The following ROCK1 variants were observed in gnomAD, a reference collection of about 807,000 sequenced individuals.
The protein encoded by ROCK1 is Rho associated coiled-coil containing protein kinase 1.
ROCK1 carries 36 observed loss-of-function variants against 196.8 expected under a neutral mutation model. The observed-to-expected ratio is 0.18, with a 90% CI of 0.14 to 0.24. The LOEUF (loss-of-function observed/expected upper bound fraction) is 0.24. ROCK1 is among the 10% of genes least tolerant of loss of function. ROCK1 has a pLI of 1.00. For missense variants in ROCK1, 920 were observed against 1,562.0 expected, an observed-to-expected ratio of 0.59 and a Z score of 6.93; for synonymous variants, 443 against 515.9, an observed-to-expected ratio of 0.86 and a Z score of 1.91.
At chr18:21,026,071 A>T (rs2035952980) in intron 10 of ROCK1, among the ~76,000 whole-genome samples, 2 of 152,174 alleles carry the variant, frequency 1.3e-5, no homozygotes, top group African/African-American at 4.8e-5. Flanking sequence ...AAATACAAAA[A>T]CATTGGCGGT....
At chr18:20,967,178 A>G (rs955671293) in intron 26 of ROCK1, 102 bp from the exon 27 acceptor site, 20 of 777,856 alleles carry the variant, frequency 2.6e-5, no homozygotes, top group Middle Eastern at 2.4e-4. Flanking sequence ...AAAAATGTAC[A>G]GTAAACTTCA....
At chr18:21,083,812 A>C (rs2036502621) in intron 1 of ROCK1, among the ~76,000 whole-genome samples, 1 of 152,214 alleles carries the variant, frequency 6.6e-6, no homozygotes, top group South Asian at 2.1e-4. Flanking sequence ...AGTCAACAGC[A>C]GGCTATTAGT....
chr18:21,083,293 C>G (rs938545563), intron 1 of ROCK1, among the ~76,000 whole-genome samples: 1 of 152,014 alleles, frequency 6.6e-6, no homozygotes, highest in Non-Finnish European at 1.5e-5. Context: ...CTATCAAAAT[C>G]CCAATGGTGT....
At chr18:21,009,034 T>A (rs1223738145) in intron 13 of ROCK1, among the ~76,000 whole-genome samples, 2 of 152,088 alleles carry the variant, frequency 1.3e-5, no homozygotes, top group East Asian at 3.9e-4. Context: ...AGTCACTAGT[T>A]ATAGCCACAC....
At position 20,970,350 on chromosome 18, in the gene ROCK1, G is replaced by T. The variant is rs755584844; in HGVS notation, c.2818C>A (p.Arg940=). 2.5e-6 allele frequency: 4 copies of T among 1,610,852 alleles called. No individual in the cohort carries two copies. The highest frequency in any genetic ancestry group is 1.3e-5 in the African/African-American group (1 of 74,810). ...ACTTACCTGACTATCACACTTACCC[G>T]ACTAACAGTGTGATCTTTATCTGTA... ...EITDKDHTVS[R]LEEANSMLTK... Residue 940 remains arginine, a splice_region_variant and synonymous_variant, in exon 23 of 33, where the codon CGG becomes AGG. Transcript: ENST00000399799.
In ROCK1 at chr18:21,111,765, A is replaced by G. The variant is rs1396210987; in HGVS notation, c.-855T>C. The G allele has an allele frequency of 6.6e-6, 1 of 152,138 alleles. No homozygotes were observed. The highest frequency in any genetic ancestry group is 1.5e-5 in the Non-Finnish European group (1 of 68,158). The allele number at this position is 152,138 out of a possible 1,614,324, so 9.4% of individuals were successfully genotyped here. ...GGGGCGAGGGGGGCTGAGAGGGACT[A>G]ATATGTCCGCCTTCCTGTTCAAACA... On this transcript the variant is annotated 5_prime_UTR_variant, in exon 1 of 33. Coordinates refer to ENST00000399799, the MANE Select transcript of ROCK1 (RefSeq NM_005406.3). This position sits in a 1 kb window ranked among gnomAD's most constrained non-coding sequence, Gnocchi z 4.2.
rs939371616 is a variant in ROCK1 at position 21,082,353 on chromosome 18, G to A, written c.94-11740C>T. Reference sequence around the variant, plus strand: ...CATTCTATGAGTGCAGCACTGCCCTGATAGCAAAACTAAAAATATCACACA... The same window carrying A: ...CATTCTATGAGTGCAGCACTGCCCTAATAGCAAAACTAAAAATATCACACA... On this transcript the variant is annotated intron_variant, in intron 1 of 32. Coordinates refer to ENST00000399799, the MANE Select transcript of ROCK1 (RefSeq NM_005406.3). 2.2e-4 allele frequency among the ~76,000 whole-genome samples: 34 copies of A among 152,164 alleles called. 1 individual carries two copies. The highest frequency in any genetic ancestry group is 8.0e-4 in the African/African-American group (33 of 41,502).
intron 2 of ROCK1, among the ~76,000 whole-genome samples, chr18:21,060,119 G>T (rs2036276244): frequency 6.6e-6 from 1 of 152,154 alleles, no homozygotes; most frequent in African/African-American, 2.4e-5. Flanking sequence ...TGTGGTAATG[G>T]TTGCACAACT....
intron 1 of ROCK1, among the ~76,000 whole-genome samples, chr18:21,095,603 G>A (rs2036606637): frequency 6.6e-6 from 1 of 151,860 alleles, no homozygotes; most frequent in Non-Finnish European, 1.5e-5. Context: ...GCCAGACACA[G>A]AAAGATAAAT....
chr18:20,978,643 A>G (rs1269509700), intron 22 of ROCK1, among the ~76,000 whole-genome samples: 1 of 152,226 alleles, frequency 6.6e-6, no homozygotes, highest in Non-Finnish European at 1.5e-5. Context: ...CATAAGGGAA[A>G]TGGGGAATGT....
rs771167832 is a variant in ROCK1, at chr18:20,967,753, G to A, written c.3191C>T (p.Ala1064Val). The A allele has an allele frequency of 3.2e-6, 5 of 1,587,080 alleles. No homozygotes were observed. Among genetic ancestry groups the A allele is most frequent in the East Asian group, 2.2e-5 (1 of 44,468 alleles). Residue 1064 changes from alanine (A) to valine (V), a missense_variant and splice_region_variant, in exon 26 of 33, where the codon GCG becomes GTG. Ala to Val is a moderately conservative substitution (Grantham distance 64). This residue lies in a region of ROCK1 where 116 missense variants were observed against 204.2 expected (regional missense o/e 0.57). Transcript: ENST00000399799. Reference protein sequence around the residue: ...KHQKELNDMQAQLVEECAHRN... With the variant: ...KHQKELNDMQVQLVEECAHRN... ...TCCATACACACACAGAAACCTTACCGCTTGCATGTCATTCAGTTCCTTCTG... is the reference window on the plus strand; with the variant it reads ...TCCATACACACACAGAAACCTTACCACTTGCATGTCATTCAGTTCCTTCTG...
At position 20,949,401 on chromosome 18, in the gene ROCK1, C is replaced by T. The variant is rs532297044; in HGVS notation, c.*1983G>A. ...CAAAAGCAGCATAAGTTTCACGTTCCATCAGTTCCCTTTGCCCTCCAAGCC... is the reference window on the plus strand; with the variant it reads ...CAAAAGCAGCATAAGTTTCACGTTCTATCAGTTCCCTTTGCCCTCCAAGCC... On this transcript the variant is annotated 3_prime_UTR_variant, in exon 33 of 33. Coordinates refer to ENST00000399799, the MANE Select transcript of ROCK1 (RefSeq NM_005406.3). 2 of 152,492 alleles carry T rather than the reference C, an allele frequency of 1.3e-5. No homozygotes were observed. Among genetic ancestry groups the T allele is most frequent in the Non-Finnish European group, 2.9e-5 (2 of 68,226 alleles). The allele number at this position is 152,492 out of a possible 1,614,324, so 9.4% of individuals were successfully genotyped here.
At chr18:21,015,213 T>A (rs1230338563) in intron 13 of ROCK1, among the ~76,000 whole-genome samples, 3 of 152,160 alleles carry the variant, frequency 2.0e-5, no homozygotes, top group Non-Finnish European at 4.4e-5. Context: ...GTACTAAAAT[T>A]AATACGGCTG....
rs564619003 is a variant in ROCK1 at position 21,089,498 on chromosome 18, T to C, written c.94-18885A>G. Among the ~76,000 whole-genome samples the C allele has an allele frequency of 1.5e-3, 221 of 152,364 alleles. 1 individual carries two copies. Among genetic ancestry groups the C allele is most frequent in the Admixed American group, 2.8e-3 (43 of 15,304 alleles). On this transcript the variant is annotated intron_variant, in intron 1 of 32. Transcript: ENST00000399799. ...ATCTATGACAATACATTGCCTTGGTTTGAAGCGTGAAAATCTAACTTCACA... is the reference window on the plus strand; with the variant it reads ...ATCTATGACAATACATTGCCTTGGTCTGAAGCGTGAAAATCTAACTTCACA...
intron 2 of ROCK1, among the ~76,000 whole-genome samples, chr18:21,053,298 C>T (rs1235832083): frequency 6.6e-6 from 1 of 151,562 alleles, no homozygotes; most frequent in African/African-American, 2.4e-5. Context: ...TTTGGTCAAG[C>T]CTGCATGAAC....
rs541290068 is a variant in ROCK1 at position 21,073,063 on chromosome 18, CAAAAAAAAAAAAAAAAAAAAAAAAA to C, written c.94-2475_94-2451del. On this transcript the variant is annotated intron_variant, in intron 1 of 32. Coordinates refer to ENST00000399799, the MANE Select transcript of ROCK1 (RefSeq NM_005406.3). ...GCCTGGGTGAAAGAGACTCCGTCTC[CAAAAAAAAAAAAAAAAAAAAAAAAA>C]AAAAAAAAAAACAAAAGTGGAGGAG... Among the ~76,000 whole-genome samples the C allele has an allele frequency of 2.1e-4, 7 of 32,746 alleles. No individual in the cohort carries two copies. The South Asian group carries it at 0.01, about 47-fold the overall frequency. 21.5% of individuals were successfully genotyped at this position (32,746 alleles called of 152,430 possible).
intron 2 of ROCK1, among the ~76,000 whole-genome samples, chr18:21,058,637 G>A (rs576750999): frequency 1.3e-5 from 2 of 152,248 alleles, no homozygotes; most frequent in African/African-American, 2.4e-5. Context: ...GTCTCACGCT[G>A]TCATGCAATC....
intron 1 of ROCK1, among the ~76,000 whole-genome samples, chr18:21,110,500 A>T (rs2036741202): frequency 6.6e-6 from 1 of 152,158 alleles, no homozygotes; most frequent in South Asian, 2.1e-4. Context: ...CATTCAACAA[A>T]CTGTATACAT....
At chr18:20,980,069 T>C (rs542836487) in intron 21 of ROCK1, 65 bp from the exon 22 acceptor site, 2 of 1,419,474 alleles carry the variant, frequency 1.4e-6, no homozygotes, top group South Asian at 3.0e-5. Flanking sequence ...TGGCAGTTTC[T>C]TATAAATTTA....
Sources: gnomAD v4.1 joint callset for allele counts (sites outside exome capture counted in the v4.1 genomes callset) on GRCh38, gnomAD v4.1.1 for gene constraint, gnomAD v4.1.1 regional missense constraint, Gnocchi (gnomAD v3.1) non-coding constraint, MANE v1.5 for transcripts, NCBI Gene and HGNC (gene_info 2026-07-23, HGNC 2026-07-21) for gene names.